PHLPP2: variants seen among roughly 807,000 people sequenced by gnomAD.
PHLPP2 encodes PH domain leucine-rich repeat-containing protein phosphatase 2.
A neutral mutation model predicts 124.9 loss-of-function variants in PHLPP2; 66 were observed. The observed-to-expected ratio is 0.53, with a 90% confidence interval of 0.43 to 0.65. PHLPP2 has a LOEUF of 0.65. PHLPP2 is among the 30% of genes least tolerant of loss of function. The pLI is 0.00. For synonymous variants in PHLPP2, 681 were observed against 624.7 expected, an observed-to-expected ratio of 1.09 and a Z score of -1.34; for missense variants, 1,685 against 1,600.4, an observed-to-expected ratio of 1.05 and a Z score of -0.90.
intron 3 of PHLPP2, among the ~76,000 whole-genome samples, chr16:71,695,428 G>A (rs1390744684): frequency 6.6e-6 from 1 of 152,182 alleles, no homozygotes; most frequent in Non-Finnish European, 1.5e-5. Flanking sequence ...TGTATACAGG[G>A]CCGGGCACAG....
At chr16:71,678,482 A>T (rs1462101021) in intron 8 of PHLPP2, 6 of 348,102 alleles carry the variant, frequency 1.7e-5, no homozygotes, top group Non-Finnish European at 3.2e-5. Context: ...TACTAAAAGT[A>T]GAAAAAAATT....
At chr16:71,655,604 G>A (rs2044735677) in intron 16 of PHLPP2, among the ~76,000 whole-genome samples, 170 bp from the exon 17 acceptor site, 1 of 149,534 alleles carries the variant, frequency 6.7e-6, no homozygotes, top group African/African-American at 2.5e-5. Flanking sequence ...CCAGGTTCAC[G>A]CCATTCTCCT....
chr16:71,649,275 TC>T lies in PHLPP2; in HGVS notation c.3586del (p.Glu1196AsnfsTer16). ...IESSPTLCSE[E>X]HARGSCFGIR... is the part of the protein sequence containing the mutation. ...CCCAAAACACGACCCTCTAGCATGT[TC>T]CTCAGAACACAGGGTAGGAGAACTC... is the stretch of plus-strand genomic sequence containing the variant. On this transcript the variant is annotated frameshift_variant, in exon 19 of 19. Coordinates refer to ENST00000568954, the MANE Select transcript of PHLPP2 (RefSeq NM_015020.3). LOFTEE classifies it high-confidence loss of function. 1 of 1,614,052 alleles carries T rather than the reference TC, an allele frequency of 6.2e-7. No homozygotes were observed. The highest frequency in any genetic ancestry group is 8.5e-7 in the Non-Finnish European group (1 of 1,179,978).
chr16:71,709,861 G>A (rs1025295290), intron 2 of PHLPP2, among the ~76,000 whole-genome samples: 2 of 152,002 alleles, frequency 1.3e-5, no homozygotes, highest in Non-Finnish European at 2.9e-5. Context: ...TCTGAGACAG[G>A]ATCTCTCTGT....
Position 71,681,875 on chromosome 16 carries a change from G to C in PHLPP2, c.766C>G (p.Leu256Val), listed in dbSNP as rs1282706576. 6.2e-7 allele frequency: 1 copy of C among 1,613,538 alleles called. No individual in the cohort carries two copies. Reference protein sequence around the residue: ...VVSQRISTVDLSCYSLEEVPE... With the variant: ...VVSQRISTVDVSCYSLEEVPE... Reference sequence around the variant, plus strand: ...ACCTCCTCGAGGCTGTAACACGAGAGATCCACGGTACTGATTCGCTGGGAC... The same window carrying C: ...ACCTCCTCGAGGCTGTAACACGAGACATCCACGGTACTGATTCGCTGGGAC... The change falls in exon 6 of 19, where the codon CTC (leucine) becomes GTC (valine). Residue 256 changes from leucine to valine, a missense_variant. Leu to Val is a conservative substitution (Grantham distance 32, BLOSUM62 1). Transcript: ENST00000568954.
At chr16:71,663,874 T>C in intron 13 of PHLPP2, 25 bp downstream of exon 13, 1 of 1,548,686 alleles carries the variant, frequency 6.5e-7, no homozygotes, top group Non-Finnish European at 8.9e-7. Flanking sequence ...GTATTTGAAA[T>C]GATCAAAGTT....
chr16:71,693,386 C>T (rs1396918237), intron 3 of PHLPP2, among the ~76,000 whole-genome samples: 3 of 152,206 alleles, frequency 2.0e-5, no homozygotes, highest in Non-Finnish European at 4.4e-5. Context: ...CTGAAGTCAC[C>T]CATGCTCAAA....
At chr16:71,712,464 A>G (rs112607112) in intron 2 of PHLPP2, among the ~76,000 whole-genome samples, 8 of 152,330 alleles carry the variant, frequency 5.3e-5, no homozygotes, top group African/African-American at 1.7e-4. Context: ...CGTATTTCTA[A>G]TATCTTTGTA....
intron 10 of PHLPP2, among the ~76,000 whole-genome samples, chr16:71,670,087 ATGT>A (rs1246365275): frequency 2.0e-5 from 3 of 152,182 alleles, no homozygotes; most frequent in African/African-American, 7.2e-5. Flanking sequence ...GAATATGAAG[ATGT>A]TGTACAAAGG....
chr16:71,707,767 TA>T (rs1416646189), intron 2 of PHLPP2, among the ~76,000 whole-genome samples: 1 of 152,182 alleles, frequency 6.6e-6, no homozygotes, highest in Non-Finnish European at 1.5e-5. Context: ...TGCATCAAGC[TA>T]AAACTGTAAT....
chr16:71,658,942 T>C (rs1226519720), intron 13 of PHLPP2, 127 bp from the exon 14 acceptor site: 2 of 772,976 alleles, frequency 2.6e-6, no homozygotes, highest in Non-Finnish European at 4.3e-6. Context: ...TGGTGAGAAA[T>C]GAAACCGATA....
intron 10 of PHLPP2, 84 bp downstream of exon 10, chr16:71,672,178 T>A (rs1010210375): frequency 1.4e-5 from 13 of 908,804 alleles, no homozygotes; most frequent in Non-Finnish European, 2.1e-5. Context: ...TACTTAGATT[T>A]CTTGTACATC....
rs778535377 is a variant in PHLPP2 at position 71,649,852 on chromosome 16, G to C, written c.3010C>G (p.Gln1004Glu). 1.7e-5 allele frequency: 27 copies of C among 1,614,072 alleles called. 1 individual carries two copies. In the South Asian group the frequency reaches 3.0e-4, roughly 18 times the overall value. ...TEAVNAVRHVQDPLAAAKKLC... is the reference protein window; with the variant it reads ...TEAVNAVRHVEDPLAAAKKLC... ...TTCTTAGCAGCTGCTAATGGGTCTTGTACGTGACGTACAGCATTGACAGCT... is the reference window on the plus strand; with the variant it reads ...TTCTTAGCAGCTGCTAATGGGTCTTCTACGTGACGTACAGCATTGACAGCT... The change falls in exon 19 of 19, where the codon CAA (glutamine) becomes GAA (glutamate). Residue 1004 changes from glutamine to glutamate, a missense_variant. Physicochemically the swap from Gln to Glu is conservative, Grantham distance 29. Transcript: ENST00000568954.
chr16:71,724,080 G>A (rs1307043532), intron 1 of PHLPP2: 1 of 155,390 alleles, frequency 6.4e-6, no homozygotes, highest in Non-Finnish European at 1.4e-5. Context: ...TTCCGGCCGC[G>A]GCCCGCGTGG....
At position 71,649,940 on chromosome 16, in the gene PHLPP2, G is replaced by A. The variant is rs925298558; in HGVS notation, c.2922C>T (p.Thr974=). The part of the protein sequence containing the change: ...PKPHISSTPL[T]IQDELLILGN... ...CCAGAATCAGCAACTCATCTTGAATGGTCAGCGGAGTGGAAGATATGTGGG... is the reference window on the plus strand; with the variant it reads ...CCAGAATCAGCAACTCATCTTGAATAGTCAGCGGAGTGGAAGATATGTGGG... Residue 974 remains threonine, a synonymous_variant, in exon 19 of 19, where the codon ACC becomes ACT. Transcript: ENST00000568954. 18 of 1,614,120 alleles carry A rather than the reference G, an allele frequency of 1.1e-5. No homozygotes were observed. The highest frequency in any genetic ancestry group is 1.5e-5 in the Non-Finnish European group (18 of 1,179,970).
intron 11 of PHLPP2, among the ~76,000 whole-genome samples, chr16:71,667,988 C>G (rs899662757): frequency 7.9e-5 from 12 of 152,168 alleles, no homozygotes; most frequent in Admixed American, 7.9e-4. Flanking sequence ...CTCTCTTTCT[C>G]CCACCACTTA....
At chr16:71,711,096 G>A (rs1169052227) in intron 2 of PHLPP2, among the ~76,000 whole-genome samples, 10 of 152,154 alleles carry the variant, frequency 6.6e-5, no homozygotes, top group Admixed American at 6.5e-4. Flanking sequence ...TTGGGAGGCC[G>A]AGGCGGGCAG....
At position 71,646,959 on chromosome 16, in the gene PHLPP2, G is replaced by A. The variant is rs1330391093; in HGVS notation, c.*1931C>T. The A allele has an allele frequency of 1.3e-5, 2 of 152,532 alleles. No homozygotes were observed. Among genetic ancestry groups the A allele is most frequent in the African/African-American group, 4.8e-5 (2 of 41,418 alleles). The allele number at this position is 152,532 out of a possible 1,614,324, so 9.4% of individuals were successfully genotyped here. A position where few individuals can be genotyped will look rare whatever the true frequency, so the allele number is the denominator to read the frequency against. On this transcript the variant is annotated 3_prime_UTR_variant, in exon 19 of 19. Coordinates refer to ENST00000568954, the MANE Select transcript of PHLPP2 (RefSeq NM_015020.3). The stretch of plus-strand genomic sequence containing the variant: ...GTATCCCAATGACACGTGCATATGA[G>A]CATGGGGCCTCTGAGAAGATGAAGA...
intron 2 of PHLPP2, among the ~76,000 whole-genome samples, chr16:71,704,307 C>CAAAAACAAAAAA (rs1555548332): frequency 1.1e-3 from 107 of 98,704 alleles, no homozygotes; most frequent in African/African-American, 4.1e-3. Context: ...GACTCTGTCT[C>CAAAAACAAAAAA]AAAAAAAAAA....
Sources: gnomAD v4.1 joint callset for allele counts (sites outside exome capture counted in the v4.1 genomes callset) on GRCh38, gnomAD v4.1.1 for gene constraint, MANE v1.5 for transcripts, NCBI Gene and HGNC (gene_info 2026-07-23, HGNC 2026-07-21) for gene names.